CSMD1: variants seen among roughly 807,000 people sequenced by gnomAD.
The protein encoded by CSMD1 is CUB and Sushi multiple domains 1.
A neutral mutation model predicts 417.5 loss-of-function variants in CSMD1; 213 were observed. The ratio of observed to expected loss-of-function variants is 0.51; its 90% CI spans 0.46 to 0.57. The LOEUF (loss-of-function observed/expected upper bound fraction) is 0.57, where lower values mean the gene tolerates loss of function less well. CSMD1 is among the 20% of genes least tolerant of loss of function. The probability of loss-of-function intolerance (pLI) is 0.00; values close to 1 mark genes in which losing one functional copy is unlikely to be tolerated. For synonymous variants in CSMD1, 2,862 were observed against 1,736.8 expected (o/e 1.65, Z -16.11); for missense variants, 6,923 against 4,529.7 (o/e 1.53, Z -15.17).
chr8:4,832,486 T>G (rs1363878770), intron 1 of CSMD1, among the ~76,000 whole-genome samples: 3 of 152,134 alleles, frequency 2.0e-5, no homozygotes, highest in Middle Eastern at 3.2e-3. Flanking sequence ...TGTAAATAAG[T>G]AAGGGGACTT....
intron 1 of CSMD1, among the ~76,000 whole-genome samples, chr8:4,723,506 T>C (rs1164636707): frequency 6.6e-6 from 1 of 152,152 alleles, no homozygotes; most frequent in African/African-American, 2.4e-5. Context: ...CCATTTTGTA[T>C]CTTGTAGGAT....
At chr8:3,935,787 C>G (rs1162881819) in intron 5 of CSMD1, among the ~76,000 whole-genome samples, 1 of 152,112 alleles carries the variant, frequency 6.6e-6, no homozygotes, top group Non-Finnish European at 1.5e-5. Context: ...ATTAATAAGC[C>G]TACAGTGGCC....
intron 5 of CSMD1, among the ~76,000 whole-genome samples, chr8:3,905,884 C>A (rs1321510756): frequency 6.6e-6 from 1 of 152,230 alleles, no homozygotes; most frequent in African/African-American, 2.4e-5. Context: ...GGTTTCTGAT[C>A]TCTTACTATT....
chr8:3,975,777 C>A (rs1258858506), intron 5 of CSMD1, among the ~76,000 whole-genome samples: 1 of 152,252 alleles, frequency 6.6e-6, no homozygotes, highest in South Asian at 2.1e-4. Context: ...CAAAAGATTT[C>A]TCTGATAACT....
chr8:3,410,357 G>T (rs2116916449), intron 12 of CSMD1, among the ~76,000 whole-genome samples: 1 of 152,332 alleles, frequency 6.6e-6, no homozygotes, highest in Admixed American at 6.5e-5. Context: ...CACACATGGG[G>T]CTGGATATGA....
chr8:3,179,498 A>G (rs140318041), intron 37 of CSMD1, among the ~76,000 whole-genome samples: 1 of 152,316 alleles, frequency 6.6e-6, no homozygotes, highest in East Asian at 1.9e-4. Flanking sequence ...AATGAATGAT[A>G]TTGTCTAGGA....
rs143348823 is a variant in CSMD1, at chr8:3,937,124, G to C, written c.818+60779C>G. Among the ~76,000 whole-genome samples the C allele has an allele frequency of 6.1e-3, 924 of 152,280 alleles. 14 individuals are homozygous for C. Among genetic ancestry groups the C allele is most frequent in the African/African-American group, 0.022 (897 of 41,556 alleles). On this transcript the variant is annotated intron_variant, in intron 5 of 69. Coordinates refer to ENST00000635120, the MANE Select transcript of CSMD1 (RefSeq NM_033225.6). ...ATAAGATCTTAATGGACGAGGAGCT[G>C]CTTCTTATGGATGAGCAAAGAAAGT... is the stretch of plus-strand genomic sequence containing the variant.
At chr8:3,236,699 T>C (rs1799173873) in intron 26 of CSMD1, among the ~76,000 whole-genome samples, 1 of 152,220 alleles carries the variant, frequency 6.6e-6, no homozygotes, top group African/African-American at 2.4e-5. Context: ...TGTATTCTTT[T>C]ATGTGCCACA....
intron 23 of CSMD1, among the ~76,000 whole-genome samples, chr8:3,310,813 A>G (rs1310799205): frequency 2.4e-5 from 2 of 82,086 alleles, no homozygotes; most frequent in African/African-American, 6.2e-5. Context: ...CCCAGGAGGT[A>G]TCCACCTTAA....
chr8:3,427,867 T>C (rs1055087499), intron 12 of CSMD1, among the ~76,000 whole-genome samples: 56 of 152,330 alleles, frequency 3.7e-4, no homozygotes, highest in African/African-American at 1.3e-3. Flanking sequence ...TCGATTACTG[T>C]CAATGTGTAA....
chr8:4,453,084 G>C (rs1192174909), intron 2 of CSMD1, among the ~76,000 whole-genome samples: 1 of 152,042 alleles, frequency 6.6e-6, no homozygotes, highest in Admixed American at 6.6e-5. Flanking sequence ...AAGCTCTCCT[G>C]GGGCTATAGA....
chr8:2,952,506 T>C (rs1350000265), intron 65 of CSMD1, among the ~76,000 whole-genome samples: 2 of 152,074 alleles, frequency 1.3e-5, no homozygotes, highest in Admixed American at 6.6e-5. Context: ...ATAGTGATAA[T>C]AAAATAAGTA....
intron 11 of CSMD1, among the ~76,000 whole-genome samples, chr8:3,485,507 G>C (rs1298875922): frequency 6.9e-6 from 1 of 144,314 alleles, no homozygotes; most frequent in Non-Finnish European, 1.5e-5. Context: ...TAGTGAAATT[G>C]TATAGAACTT....
At chr8:3,293,287 T>C (rs1470786575) in intron 25 of CSMD1, among the ~76,000 whole-genome samples, 1 of 152,300 alleles carries the variant, frequency 6.6e-6, no homozygotes, top group African/African-American at 2.4e-5. Context: ...CTTTGGTGAA[T>C]CTGACAATTA....
At chr8:3,088,454 G>A (rs1814696244) in intron 48 of CSMD1, among the ~76,000 whole-genome samples, 1 of 152,144 alleles carries the variant, frequency 6.6e-6, no homozygotes, top group South Asian at 2.1e-4. Context: ...AGGTCTGAAT[G>A]CTTAACATTG....
At position 4,604,741 on chromosome 8, in the gene CSMD1, A is replaced by C. The variant is rs113869484; in HGVS notation, c.302+32601T>G. On this transcript the variant is annotated intron_variant, in intron 2 of 69. Coordinates refer to ENST00000635120, the MANE Select transcript of CSMD1 (RefSeq NM_033225.6). ...GGCTTAATGGTAACATTTATGCACAAAATATTGTTTGCAGTTAATTTTGTA... is the reference window on the plus strand; with the variant it reads ...GGCTTAATGGTAACATTTATGCACACAATATTGTTTGCAGTTAATTTTGTA... 7.3e-3 allele frequency among the ~76,000 whole-genome samples: 1,108 copies of C among 152,284 alleles called. 18 individuals are homozygous for C. The highest frequency in any genetic ancestry group is 0.026 in the African/African-American group (1,072 of 41,546).
At chr8:3,432,376 C>T (rs1814270331) in intron 12 of CSMD1, among the ~76,000 whole-genome samples, 1 of 152,058 alleles carries the variant, frequency 6.6e-6, no homozygotes, top group Admixed American at 6.5e-5. Flanking sequence ...TGTATTTATA[C>T]CACGACAGTT....
intron 2 of CSMD1, among the ~76,000 whole-genome samples, chr8:4,491,341 C>T (rs190910949): frequency 3.9e-5 from 6 of 152,210 alleles, no homozygotes; most frequent in South Asian, 2.1e-4. Flanking sequence ...CAAGTCTGGG[C>T]GCACGTGTCC....
At chr8:3,207,736 C>T (rs1013140737) in intron 30 of CSMD1, among the ~76,000 whole-genome samples, 4 of 152,140 alleles carry the variant, frequency 2.6e-5, no homozygotes, top group African/African-American at 9.7e-5. Flanking sequence ...TCAAAGCTGA[C>T]AGAAATTTAA....
Sources: gnomAD v4.1 joint callset for allele counts (sites outside exome capture counted in the v4.1 genomes callset) on GRCh38, gnomAD v4.1.1 for gene constraint, MANE v1.5 for transcripts, NCBI Gene and HGNC (gene_info 2026-07-23, HGNC 2026-07-21) for gene names.